Variants in PCDH15 observed in about 807,000 individuals in gnomAD.
The protein encoded by PCDH15 is protocadherin related 15, also known as protocadherin-15.
PCDH15 carries 129 observed loss-of-function variants against 178.5 expected under a neutral mutation model. The observed-to-expected ratio is 0.72, with a 90% CI of 0.63 to 0.84. The LOEUF (loss-of-function observed/expected upper bound fraction) is 0.84. PCDH15 is among the 40% of genes least tolerant of loss of function. PCDH15 has a pLI of 0.00. For missense variants in PCDH15, 2,230 were observed against 2,099.9 expected (o/e 1.06, Z -1.21); for synonymous variants, 800 against 732.0 (o/e 1.09, Z -1.50).
At chr10:55,457,786 C>T (rs563547809) in intron 2 of PCDH15, among the ~76,000 whole-genome samples, 1 of 134,632 alleles carries the variant, frequency 7.4e-6, no homozygotes, top group Admixed American at 7.8e-5. Context: ...ACCAATAATC[C>T]TCTTTTGTAT....
intron 13 of PCDH15, among the ~76,000 whole-genome samples, chr10:54,174,084 A>G (rs894944576): frequency 1.3e-5 from 2 of 152,196 alleles, no homozygotes; most frequent in Non-Finnish European, 2.9e-5. Context: ...GCAGTAGAAA[A>G]CCATTGAAGG....
At chr10:55,307,486 G>A (rs1442798985) in intron 1 of PCDH15, among the ~76,000 whole-genome samples, 1 of 150,584 alleles carries the variant, frequency 6.6e-6, no homozygotes, top group Admixed American at 6.6e-5. Flanking sequence ...CTGGGCAACA[G>A]AGCAGAGCGA....
intron 2 of PCDH15, among the ~76,000 whole-genome samples, chr10:55,085,390 C>T (rs1842141841): frequency 6.6e-6 from 1 of 151,370 alleles, no homozygotes; most frequent in Admixed American, 6.6e-5. Context: ...TTAATGCATA[C>T]AAAAATATAG....
intron 1 of PCDH15, among the ~76,000 whole-genome samples, chr10:55,263,397 G>A (rs1842197360): frequency 6.6e-6 from 1 of 152,168 alleles, no homozygotes; most frequent in South Asian, 2.1e-4. Context: ...TATGCCTAGA[G>A]GTGCCACCTA....
chr10:54,750,135 C>G (rs1946019740), intron 1 of PCDH15, among the ~76,000 whole-genome samples: 1 of 151,942 alleles, frequency 6.6e-6, no homozygotes, highest in South Asian at 2.1e-4. Flanking sequence ...CTTCCAGTTT[C>G]CTTTATTTAA....
At chr10:55,153,867 T>C (rs1838805754) in intron 2 of PCDH15, among the ~76,000 whole-genome samples, 1 of 152,174 alleles carries the variant, frequency 6.6e-6, no homozygotes, top group African/African-American at 2.4e-5. Context: ...AAAGACAAGT[T>C]CTACTTAAAC....
intron 1 of PCDH15, among the ~76,000 whole-genome samples, chr10:55,289,921 C>CCAGTAGTAAAAAAGTAGTAAAAAAAAGTA (rs1564972963): frequency 6.6e-6 from 1 of 151,818 alleles, no homozygotes; most frequent in African/African-American, 2.4e-5. Flanking sequence ...GTAGTAAAAG[C>CCAGTAGTAAAAAAGTAGTAAAAAAAAGTA]AAGCTGGCTG....
intron 9 of PCDH15, among the ~76,000 whole-genome samples, chr10:54,227,378 C>T (rs1229812788): frequency 6.6e-6 from 1 of 152,200 alleles, no homozygotes; most frequent in Non-Finnish European, 1.5e-5. Flanking sequence ...TGAAGCAGGG[C>T]CTGAGCTCTA....
In PCDH15 at chr10:54,185,235, C is replaced by T. The variant is rs150509146; in HGVS notation, c.1339G>A (p.Asp447Asn). Residue 447 changes from aspartate (D) to asparagine (N), a missense_variant, in exon 12 of 38, where the codon GAC becomes AAC. By Grantham distance (23) the Asp-to-Asn change is conservative. Coordinates refer to ENST00000644397, the MANE Select transcript of PCDH15 (RefSeq NM_001384140.1). ...KDPELHLFLN[D>N]YTSVFTVTQT... ...GTGACGGTGAAGACTGAGGTGTAGT[C>T]ATTCAGAAAAAGGTGAAGCTCTGGG... 4.8e-4 allele frequency: 782 copies of T among 1,613,308 alleles called. 1 individual carries two copies. Among genetic ancestry groups the T allele is most frequent in the Non-Finnish European group, 6.4e-4 (756 of 1,179,632 alleles).
intron 2 of PCDH15, among the ~76,000 whole-genome samples, chr10:54,590,769 G>A (rs1442552226): frequency 6.6e-6 from 1 of 152,104 alleles, no homozygotes; most frequent in East Asian, 1.9e-4. Context: ...GAGTTAAACT[G>A]TGTGAAAGCA....
chr10:54,138,308 T>A (rs1174914859), intron 14 of PCDH15, among the ~76,000 whole-genome samples: 1 of 152,020 alleles, frequency 6.6e-6, no homozygotes, highest in South Asian at 2.1e-4. Flanking sequence ...GATTGGCTCC[T>A]CTCAATTTGA....
At chr10:55,404,797 A>C (rs1342650311) in intron 2 of PCDH15, among the ~76,000 whole-genome samples, 1 of 151,838 alleles carries the variant, frequency 6.6e-6, no homozygotes, top group African/African-American at 2.4e-5. Flanking sequence ...CTATAATAAA[A>C]AATACTATCA....
chr10:55,459,231 G>GC (rs1839618105), intron 2 of PCDH15, among the ~76,000 whole-genome samples: 1 of 19,774 alleles, frequency 5.1e-5, no homozygotes, highest in Admixed American at 4.9e-4. Context: ...GTCCTTGGAG[G>GC]CAAAAAAAAA....
At chr10:55,295,885 C>T (rs1843119522) in intron 1 of PCDH15, among the ~76,000 whole-genome samples, 1 of 151,902 alleles carries the variant, frequency 6.6e-6, no homozygotes, top group Admixed American at 6.6e-5. Flanking sequence ...ACAACATTTC[C>T]CCACACTTCA....
At chr10:54,607,527 C>A (rs867567696) in intron 2 of PCDH15, among the ~76,000 whole-genome samples, 1 of 151,968 alleles carries the variant, frequency 6.6e-6, no homozygotes, top group South Asian at 2.1e-4. Context: ...CAATTCCTGG[C>A]ATATGTTTAT....
At chr10:55,158,091 T>C (rs1011772626) in intron 2 of PCDH15, among the ~76,000 whole-genome samples, 1 of 118,812 alleles carries the variant, frequency 8.4e-6, no homozygotes, top group East Asian at 3.0e-4. Flanking sequence ...TATATATATA[T>C]ATATATACAC....
chr10:54,456,103 G>A (rs909274629), intron 3 of PCDH15, among the ~76,000 whole-genome samples: 1 of 152,110 alleles, frequency 6.6e-6, no homozygotes, highest in Non-Finnish European at 1.5e-5. Flanking sequence ...GGAAATGTGG[G>A]GTTGGAGCCC....
chr10:55,009,255 T>TGC (rs937905760), intron 2 of PCDH15, among the ~76,000 whole-genome samples: 1 of 151,516 alleles, frequency 6.6e-6, no homozygotes, highest in African/African-American at 2.4e-5. Context: ...CACAGATGTG[T>TGC]GTGTGTGTGT....
At chr10:54,462,749 C>T (rs2136500099) in intron 3 of PCDH15, among the ~76,000 whole-genome samples, 1 of 119,286 alleles carries the variant, frequency 8.4e-6, no homozygotes, top group Non-Finnish European at 1.6e-5. Flanking sequence ...CCCGGCTGGT[C>T]TCAAGTTCCT....
Sources: allele counts gnomAD v4.1 joint callset (sites outside exome capture counted in the v4.1 genomes callset), GRCh38; gene constraint gnomAD v4.1.1; transcripts MANE v1.5; gene names NCBI Gene and HGNC (gene_info 2026-07-23, HGNC 2026-07-21).